ENOX2: variants seen among roughly 807,000 people sequenced by gnomAD.
The protein encoded by ENOX2 is APK1 antigen.
A neutral mutation model predicts 45.0 loss-of-function variants in ENOX2; 36 were observed. That is an observed-to-expected ratio of 0.80 (90% CI 0.61 to 1.06). The LOEUF is 1.06. Among genes scored for constraint, ENOX2 ranks in the 50% least tolerant of loss-of-function variants. The pLI is 0.00. For synonymous variants in ENOX2, 174 were observed against 152.3 expected (o/e 1.14, Z -1.05); for missense variants, 423 against 462.5 (o/e 0.91, Z 0.78).
chrX:130,683,551 G>A (rs199949351), intron 5 of ENOX2, among the ~76,000 whole-genome samples: 5 of 111,422 alleles, frequency 4.5e-5, no homozygotes, highest in East Asian at 5.6e-4. Context: ...TCCTGGAGAC[G>A]GATAGCAGAT....
chrX:130,721,373 A>G (rs888156463), intron 3 of ENOX2, among the ~76,000 whole-genome samples: 1 of 112,283 alleles, frequency 8.9e-6, no homozygotes, highest in African/African-American at 3.2e-5. Flanking sequence ...AAATTAAGGC[A>G]TTTGACTTGT....
intron 3 of ENOX2, among the ~76,000 whole-genome samples, chrX:130,737,482 C>T (rs1454833747): frequency 8.9e-6 from 1 of 111,738 alleles, no homozygotes; most frequent in Non-Finnish European, 1.9e-5. Flanking sequence ...ACACACACAA[C>T]TTACTTCTGA....
intron 3 of ENOX2, among the ~76,000 whole-genome samples, chrX:130,779,678 T>C (rs2039929420): frequency 8.9e-6 from 1 of 111,786 alleles, no homozygotes; most frequent in Non-Finnish European, 1.9e-5. Flanking sequence ...ATAGGGAATA[T>C]AAAGGCATAG....
intron 10 of ENOX2, among the ~76,000 whole-genome samples, chrX:130,651,975 G>GAAC (rs755312247): frequency 1.5e-4 from 16 of 109,960 alleles, no homozygotes; most frequent in East Asian, 5.7e-4. Flanking sequence ...CCTTTTTATT[G>GAAC]AACAACAACA....
chrX:130,625,563 A>C, intron 14 of ENOX2, 118 bp from the exon 15 acceptor site: 1 of 716,591 alleles, frequency 1.4e-6, no homozygotes. Context: ...GGGGCGTTTA[A>C]CCTCCTCCTG....
At chrX:130,654,164 ATTTTACAC>A (rs2036480214) in intron 10 of ENOX2, among the ~76,000 whole-genome samples, 1 of 112,051 alleles carries the variant, frequency 8.9e-6, no homozygotes, top group Admixed American at 9.4e-5. Context: ...TAATGAAATA[ATTTTACAC>A]TATCATGATT....
At chrX:130,818,500 A>G (rs983519478) in intron 2 of ENOX2, among the ~76,000 whole-genome samples, 6 of 111,887 alleles carry the variant, frequency 5.4e-5, no homozygotes, top group African/African-American at 2.0e-4. Flanking sequence ...TTCAAACTAT[A>G]CTACAAGGCT....
intron 3 of ENOX2, among the ~76,000 whole-genome samples, chrX:130,714,614 T>C (rs1274053014): frequency 3.6e-5 from 4 of 111,681 alleles, no homozygotes; most frequent in African/African-American, 1.3e-4. Context: ...CCTGAATCTT[T>C]GGTGAAGTTA....
Position 130,718,378 on chromosome X carries a change from G to C in ENOX2, c.-38-15124C>G, listed in dbSNP as rs185880861. 3.6e-5 allele frequency among the ~76,000 whole-genome samples: 4 copies of C among 111,535 alleles called. No individual in the cohort carries two copies. In the Admixed American group the frequency reaches 3.8e-4, roughly 11 times the overall value. ...AGTATTGCCTAGCATGGGTACCTCA[G>C]GGGTCTGGAGCCAGAAGACCATGCT... is the stretch of plus-strand genomic sequence containing the variant. On this transcript the variant is annotated intron_variant, in intron 3 of 14. Transcript: ENST00000394363.
intron 2 of ENOX2, among the ~76,000 whole-genome samples, chrX:130,791,934 A>G (rs1430730010): frequency 8.9e-6 from 1 of 112,478 alleles, no homozygotes; most frequent in African/African-American, 3.2e-5. Context: ...CGTTCTATGT[A>G]CATCAGGTTA....
intron 3 of ENOX2, among the ~76,000 whole-genome samples, chrX:130,782,609 A>G (rs1037346234): frequency 2.7e-5 from 3 of 112,191 alleles, no homozygotes; most frequent in Non-Finnish European, 3.8e-5. Flanking sequence ...GATATGATAC[A>G]TTTGTAAACA....
Position 130,704,678 on chromosome X carries a change from T to G in ENOX2, c.-38-1424A>C, listed in dbSNP as rs2037991445. On this transcript the variant is annotated intron_variant, in intron 3 of 14. Transcript: ENST00000394363. The stretch of plus-strand genomic sequence containing the variant: ...TGTATACATGTGCTATTTTGGTCAC[T>G]GATTGGTCAGAACAAGCAAATGTAA... Among the ~76,000 whole-genome samples, 5 of 112,336 alleles carry G rather than the reference T, an allele frequency of 4.5e-5. No individual in the cohort carries two copies. In the Admixed American group the frequency reaches 4.7e-4, roughly 11 times the overall value.
intron 2 of ENOX2, among the ~76,000 whole-genome samples, chrX:130,893,765 G>C (rs777432401): frequency 8.9e-6 from 1 of 111,969 alleles, no homozygotes; most frequent in Admixed American, 9.4e-5. Flanking sequence ...TGGATGTGAC[G>C]TTTAAGGATT....
chrX:130,639,650 T>TA (rs1325773171), intron 10 of ENOX2, among the ~76,000 whole-genome samples: 1 of 111,347 alleles, frequency 9.0e-6, no homozygotes, highest in Admixed American at 9.5e-5. Context: ...GATTTTTTTT[T>TA]AAAAAACTAT....
chrX:130,650,238 AT>A (rs1465816998), intron 10 of ENOX2, among the ~76,000 whole-genome samples: 1 of 111,836 alleles, frequency 8.9e-6, no homozygotes, highest in Non-Finnish European at 1.9e-5. Context: ...ATGTAAAAAT[AT>A]TTTCCCTCTG....
chrX:130,733,727 T>C (rs190596217), intron 3 of ENOX2, among the ~76,000 whole-genome samples: 1 of 112,242 alleles, frequency 8.9e-6, no homozygotes, highest in East Asian at 2.8e-4. Flanking sequence ...TTATATAACA[T>C]TCTCAAAATG....
intron 3 of ENOX2, among the ~76,000 whole-genome samples, chrX:130,715,459 A>G (rs1480037096): frequency 8.9e-6 from 1 of 112,132 alleles, no homozygotes. Flanking sequence ...AAAGCAGCCA[A>G]ACTGGAGTTT....
At chrX:130,637,075 A>T (rs2035949872) in intron 11 of ENOX2, among the ~76,000 whole-genome samples, 154 bp downstream of exon 11, 1 of 112,667 alleles carries the variant, frequency 8.9e-6, no homozygotes, top group African/African-American at 3.2e-5. Flanking sequence ...TATTTAATTA[A>T]ACACAACAAT....
chrX:130,773,343 G>A (rs1035515198), intron 3 of ENOX2, among the ~76,000 whole-genome samples: 8 of 111,739 alleles, frequency 7.2e-5, no homozygotes, highest in African/African-American at 2.6e-4. Flanking sequence ...CTGTTACTCT[G>A]CCTCCCTCTT....
Sources: gnomAD v4.1 joint callset for allele counts (sites outside exome capture counted in the v4.1 genomes callset) on GRCh38, gnomAD v4.1.1 for gene constraint, MANE v1.5 for transcripts, NCBI Gene and HGNC (gene_info 2026-07-23, HGNC 2026-07-21) for gene names.